Variants in ADGRV1 observed in about 807,000 individuals in gnomAD.
ADGRV1 encodes the protein G-protein coupled receptor 98.
In ADGRV1, 359 loss-of-function variants were observed where a neutral mutation model predicts 596.2. That is an observed-to-expected ratio of 0.60 (90% CI 0.55 to 0.66). ADGRV1 has a LOEUF of 0.66. Ranked by LOEUF, ADGRV1 falls within the 30% of genes least tolerant of loss-of-function variation. The pLI, the probability that ADGRV1 is intolerant of heterozygous loss-of-function variation, is 0.00. For synonymous variants in ADGRV1, 2,681 were observed against 2,679.2 expected (o/e 1.00, Z -0.02); for missense variants, 7,274 against 7,575.6 (o/e 0.96, Z 1.48).
Position 90,674,130 on chromosome 5 carries a change from T to C in ADGRV1, c.5006T>C (p.Ile1669Thr). The C allele has an allele frequency of 1.2e-6, 2 of 1,613,606 alleles. No individual in the cohort carries two copies. The highest frequency in any genetic ancestry group is 1.7e-6 in the Non-Finnish European group (2 of 1,179,650). ...TTCCGTGTGACATTGGTTTCTGCAA[T>C]TCCTGGAGATGGGAAGCTAGGCTCA... ...EYFRVTLVSAIPGDGKLGSTP... is the reference protein window; with the variant it reads ...EYFRVTLVSATPGDGKLGSTP... Residue 1669 changes from isoleucine to threonine, a missense_variant, in exon 23 of 90, where the codon ATT (isoleucine) becomes ACT (threonine). Transcript: ENST00000405460.
intron 84 of ADGRV1, among the ~76,000 whole-genome samples, chr5:90,977,996 A>G (rs1224790341): frequency 2.6e-5 from 4 of 152,172 alleles, no homozygotes; most frequent in South Asian, 2.1e-4. Flanking sequence ...TTATTAATCA[A>G]TGAATAAATA....
At chr5:90,645,157 G>T (rs1767554836) in intron 15 of ADGRV1, among the ~76,000 whole-genome samples, 1 of 152,228 alleles carries the variant, frequency 6.6e-6, no homozygotes, top group Non-Finnish European at 1.5e-5. Flanking sequence ...TAGTCCCTTT[G>T]AAGGCAAGGT....
In ADGRV1 at chr5:90,563,039, G is replaced by A. The variant is rs191267391; in HGVS notation, c.22+4122G>A. ...ATGGCTTTAATCCAACCATCTGTTC[G>A]CATCTTGGCACATCAGCATGTCTGA... On this transcript the variant is annotated intron_variant, in intron 1 of 89. Coordinates refer to ENST00000405460, the MANE Select transcript of ADGRV1 (RefSeq NM_032119.4). Among the ~76,000 whole-genome samples the A allele has an allele frequency of 3.2e-4, 49 of 152,154 alleles. 1 individual carries two copies. The East Asian group carries it at 8.3e-3, about 26-fold the overall frequency.
chr5:90,991,885 G>C (rs774730783), intron 85 of ADGRV1, among the ~76,000 whole-genome samples: 44 of 152,182 alleles, frequency 2.9e-4, no homozygotes, highest in Non-Finnish European at 5.7e-4. Context: ...TGAAAAAAAA[G>C]TTTGTTAGAG....
intron 89 of ADGRV1, among the ~76,000 whole-genome samples, chr5:91,162,896 G>A (rs1456399463): frequency 6.6e-6 from 1 of 152,134 alleles, no homozygotes; most frequent in Non-Finnish European, 1.5e-5. Context: ...TTTCCTCCTT[G>A]TTTGCAGAGT....
intron 85 of ADGRV1, among the ~76,000 whole-genome samples, chr5:91,002,197 C>T (rs1369312560): frequency 6.6e-5 from 10 of 152,102 alleles, no homozygotes; most frequent in East Asian, 3.9e-4. Flanking sequence ...TCCACAGACG[C>T]GGTGTGTTCT....
At chr5:90,693,452 A>AT (rs918367804) in intron 32 of ADGRV1, among the ~76,000 whole-genome samples, 47 of 149,258 alleles carry the variant, frequency 3.1e-4, no homozygotes, top group Admixed American at 1.9e-3. Context: ...TATTTTTTAA[A>AT]TTTTTTTTTT....
chr5:90,940,998 CT>C (rs373461388), intron 83 of ADGRV1, among the ~76,000 whole-genome samples: 1,865 of 152,176 alleles, frequency 0.012, 32 homozygotes, highest in African/African-American at 0.042. Context: ...CTGAGATTTG[CT>C]TTTTTCCCCC....
At chr5:90,719,256 T>G (rs1481012964) in intron 43 of ADGRV1, among the ~76,000 whole-genome samples, 1 of 151,544 alleles carries the variant, frequency 6.6e-6, no homozygotes, top group Non-Finnish European at 1.5e-5. Context: ...ACTTGGGAGG[T>G]GGAGGTTGCA....
Position 90,692,632 on chromosome 5 carries a change from T to C in ADGRV1, c.6979T>C (p.Ser2327Pro), listed in dbSNP as rs1241202157. The C allele has an allele frequency of 8.7e-6, 14 of 1,610,746 alleles. No individual in the cohort carries two copies. Among genetic ancestry groups the C allele is most frequent in the African/African-American group, 2.7e-5 (2 of 74,858 alleles). ...EVIQVQLTDA[S>P]GGGTIGLDRI... ...TATCCAAGTGCAACTAACTGATGCC[T>C]CTGGTGGAGGTACTATTGGGTTAGA... Residue 2327 changes from serine (S) to proline (P), a missense_variant, in exon 32 of 90, where the codon TCT becomes CCT. Coordinates refer to ENST00000405460, the MANE Select transcript of ADGRV1 (RefSeq NM_032119.4).
intron 83 of ADGRV1, among the ~76,000 whole-genome samples, chr5:90,888,361 T>A (rs1770498739): frequency 1.3e-5 from 2 of 152,188 alleles, no homozygotes; most frequent in Non-Finnish European, 2.9e-5. Context: ...GAAAAAGTTT[T>A]TTTTTGTTTT....
At chr5:90,672,058 A>C (rs62375102) in intron 21 of ADGRV1, among the ~76,000 whole-genome samples, 1,672 of 152,228 alleles carry the variant, frequency 0.011, 17 homozygotes, top group Non-Finnish European at 0.018. Context: ...CAAATATACT[A>C]TATTGCTTCT....
At chr5:90,692,220 A>G (rs1746566884) in intron 31 of ADGRV1, among the ~76,000 whole-genome samples, 1 of 152,170 alleles carries the variant, frequency 6.6e-6, no homozygotes. Flanking sequence ...TGGGAAATAA[A>G]GCATAGTATA....
intron 70 of ADGRV1, among the ~76,000 whole-genome samples, chr5:90,796,131 A>G (rs985855415): frequency 6.6e-6 from 1 of 152,208 alleles, no homozygotes; most frequent in African/African-American, 2.4e-5. Flanking sequence ...AATGAGTTTG[A>G]TGATTGACAG....
intron 82 of ADGRV1, among the ~76,000 whole-genome samples, chr5:90,859,968 G>A (rs991687031): frequency 3.3e-5 from 5 of 151,408 alleles, no homozygotes; most frequent in African/African-American, 1.2e-4. Context: ...GGCACATGCT[G>A]TAGACCCAGC....
chr5:90,801,440 A>C (rs1207347194), intron 70 of ADGRV1, among the ~76,000 whole-genome samples: 1 of 152,128 alleles, frequency 6.6e-6, no homozygotes, highest in African/African-American at 2.4e-5. Flanking sequence ...AAAAATCATT[A>C]GCTGCCCAGC....
intron 83 of ADGRV1, among the ~76,000 whole-genome samples, chr5:90,919,641 T>C (rs1773697639): frequency 6.6e-6 from 1 of 152,180 alleles, no homozygotes; most frequent in African/African-American, 2.4e-5. Flanking sequence ...GTTTCATTAA[T>C]GGAAATACAG....
rs192360490 is a variant in ADGRV1 at position 90,609,705 on chromosome 5, A to G, written c.23-5130A>G. Among the ~76,000 whole-genome samples, 37 of 152,128 alleles carry G rather than the reference A, an allele frequency of 2.4e-4. No homozygotes were observed. The East Asian group carries it at 6.4e-3, about 26-fold the overall frequency. The stretch of plus-strand genomic sequence containing the variant: ...CTAAACTTGAAAACCTTGTTCCTTT[A>G]GGATCATATTTTCAGTATTAATTAC... On this transcript the variant is annotated intron_variant, in intron 1 of 89. Transcript: ENST00000405460.
chr5:90,815,683 G>T lies in ADGRV1; in HGVS notation c.16143G>T (p.Arg5381Ser), dbSNP rs777670983. Reference sequence around the variant, plus strand: ...AGTCCCAGAGTGGACTAGAACTCAGGGAAGGAGCTGTTATGAGAAGATTGC... The same window carrying T: ...AGTCCCAGAGTGGACTAGAACTCAGTGAAGGAGCTGTTATGAGAAGATTGC... ...SEESQSGLEL[R>S]EGAVMRRLHL... Residue 5381 changes from arginine (R) to serine (S), a missense_variant, in exon 75 of 90, where the codon AGG (arginine) becomes AGT (serine). Physicochemically the swap from Arg to Ser is moderately radical, Grantham distance 110 (BLOSUM62 -1). Around this residue, in one of 5 missense-constraint regions of ADGRV1, gnomAD observed 1,874 missense variants for 1,970.2 expected, o/e 0.95. Transcript: ENST00000405460. The T allele has an allele frequency of 1.3e-6, 2 of 1,578,562 alleles. No homozygotes were observed. Among genetic ancestry groups the T allele is most frequent in the Non-Finnish European group, 1.7e-6 (2 of 1,161,138 alleles).
Sources: gnomAD v4.1 joint callset for allele counts (sites outside exome capture counted in the v4.1 genomes callset) on GRCh38, gnomAD v4.1.1 for gene constraint, gnomAD v4.1.1 regional missense constraint, MANE v1.5 for transcripts, NCBI Gene and HGNC (gene_info 2026-07-23, HGNC 2026-07-21) for gene names.